WDR62: variants seen among roughly 807,000 people sequenced by gnomAD.
WDR62 encodes WD repeat-containing protein 62.
A neutral mutation model predicts 160.6 loss-of-function variants in WDR62; 112 were observed. That is an observed-to-expected ratio of 0.70 (90% CI 0.60 to 0.82). The LOEUF (loss-of-function observed/expected upper bound fraction) is 0.82, where lower values mean the gene tolerates loss of function less well. Ranked by LOEUF, WDR62 falls within the 40% of genes least tolerant of loss-of-function variation. The probability of loss-of-function intolerance (pLI) is 0.00; values close to 1 mark genes in which losing one functional copy is unlikely to be tolerated. For missense variants in WDR62, 1,819 were observed against 1,983.8 expected, an observed-to-expected ratio of 0.92 and a Z score of 1.58; for synonymous variants, 792 against 815.1, an observed-to-expected ratio of 0.97 and a Z score of 0.48.
rs565198833 is a variant in WDR62 at position 36,100,569 on chromosome 19, C to T, written c.2740-179C>T. ...TATTTTTGGTGCCACACCTCTTCCT[C>T]ATCTGTAAAGGGACTGATAATGCAG... On this transcript the variant is annotated intron_variant, in intron 22 of 31. Transcript: ENST00000401500. Among the ~76,000 whole-genome samples the T allele has an allele frequency of 1.3e-3, 200 of 152,366 alleles. 1 individual carries two copies. The highest frequency in any genetic ancestry group is 4.4e-3 in the African/African-American group (183 of 41,584).
intron 11 of WDR62, 24 bp downstream of exon 11, chr19:36,083,265 A>G: frequency 3.8e-6 from 6 of 1,576,390 alleles, no homozygotes; most frequent in Non-Finnish European, 5.2e-6. Flanking sequence ...GGCAGTGTCC[A>G]GTGTACACCT....
At chr19:36,101,831 T>C in intron 25 of WDR62, 57 bp downstream of exon 25, 1 of 1,508,622 alleles carries the variant, frequency 6.6e-7, no homozygotes. Flanking sequence ...TTAGGGCCAG[T>C]CACAATGTCT....
rs774396949 is a variant in WDR62, at chr19:36,071,578, G to T, written c.905G>T (p.Cys302Phe). The T allele has an allele frequency of 6.2e-7, 1 of 1,614,230 alleles. No homozygotes were observed. The highest frequency in any genetic ancestry group is 1.7e-5 in the Admixed American group (1 of 60,028). Residue 302 changes from cysteine (C) to phenylalanine (F), a missense_variant, in exon 8 of 32, where the codon TGT (cysteine) becomes TTT (phenylalanine). Around this residue, in one of 3 missense-constraint regions of WDR62, gnomAD observed 934 missense variants for 1,157.2 expected, o/e 0.81. Transcript: ENST00000401500. ...CAGGTCTCCCTGTCTTCCTGCCTCT[G>T]TGTCAGCCAGGAGCTCATCTTCTGT... Reference protein sequence around the residue: ...NLKVSLSSCLCVSQELIFCGC... With the variant: ...NLKVSLSSCLFVSQELIFCGC...
In WDR62 at chr19:36,103,626, G is replaced by A; in HGVS notation, c.3798G>A (p.Gln1266=). The A allele has an allele frequency of 3.1e-6, 5 of 1,610,786 alleles. No homozygotes were observed. In the South Asian group the frequency reaches 5.5e-5, roughly 18 times the overall value. The part of the protein sequence containing the change: ...GELASLGQEL[Q]AITTATTPSL... ...TGGCCTCCTTGGGCCAGGAGCTTCA[G>A]GCCATCACCACCGCGACAACACCCA... Residue 1266 remains glutamine, a synonymous_variant, in exon 30 of 32, where the codon CAG becomes CAA. Coordinates refer to ENST00000401500, the MANE Select transcript of WDR62 (RefSeq NM_001083961.2).
chr19:36,111,049 T>C, the WDR62 span: 1 of 699,110 alleles, frequency 1.4e-6, no homozygotes, highest in Non-Finnish European at 2.3e-6. Flanking sequence ...TGAGCCAGCT[T>C]AGTCCACTCC....
chr19:36,107,752 A>G (rs181722478), downstream of WDR62, among the ~76,000 whole-genome samples: 587 of 152,230 alleles, frequency 3.9e-3, 3 homozygotes, highest in African/African-American at 0.014. Flanking sequence ...GAGAGGATCC[A>G]GCATGTCTGC....
At chr19:36,060,335 G>A in intron 3 of WDR62, 1 of 428,768 alleles carries the variant, frequency 2.3e-6, no homozygotes, top group South Asian at 2.6e-5. Context: ...TTTGTGGGCA[G>A]AGAATAGGAG....
In WDR62 at chr19:36,058,863, C is replaced by CA; in HGVS notation, c.261_262insA (p.Leu88ThrfsTer21). On this transcript the variant is annotated frameshift_variant, in exon 2 of 32. Coordinates refer to ENST00000401500, the MANE Select transcript of WDR62 (RefSeq NM_001083961.2). LOFTEE classifies it high-confidence loss of function. The stretch of plus-strand genomic sequence containing the variant: ...ACCCCGGCACAGGCCATGTGGCCTA[C>CA]CTGGCAGGGTAAGCAGATAAGGGCC... The CA allele has an allele frequency of 1.2e-6, 2 of 1,613,898 alleles. No homozygotes were observed. Among genetic ancestry groups the CA allele is most frequent in the Non-Finnish European group, 1.7e-6 (2 of 1,179,746 alleles).
rs771705757 is a variant in WDR62, at chr19:36,103,954, A to G, written c.4126A>G (p.Thr1376Ala). 2.6e-5 allele frequency: 42 copies of G among 1,598,424 alleles called. 2 individuals carry two copies. In the South Asian group the frequency reaches 4.4e-4, roughly 17 times the overall value. The change falls in exon 30 of 32, where the codon ACT (threonine) becomes GCT (alanine). Residue 1376 changes from threonine to alanine, a missense_variant. Thr to Ala is a moderately conservative substitution (Grantham distance 58). This residue lies in a region of WDR62 where 770 missense variants were observed against 734.2 expected (regional missense o/e 1.05). Coordinates refer to ENST00000401500, the MANE Select transcript of WDR62 (RefSeq NM_001083961.2). ...GGCCCGGCCTGGCATCCCTGGCGGCACTGCCTCCCTCCTGGAGCCCACCTC... is the reference window on the plus strand; with the variant it reads ...GGCCCGGCCTGGCATCCCTGGCGGCGCTGCCTCCCTCCTGGAGCCCACCTC... ...PEARPGIPGGTASLLEPTSGA... is the reference protein window; with the variant it reads ...PEARPGIPGGAASLLEPTSGA...
chr19:36,100,919 CCAG>C, intron 23 of WDR62, 44 bp downstream of exon 23: 1 of 1,613,446 alleles, frequency 6.2e-7, no homozygotes, highest in Non-Finnish European at 8.5e-7. Flanking sequence ...GGAGGAACCC[CCAG>C]CTGATAGCTG....
Position 36,089,087 on chromosome 19 carries a change from CT to C in WDR62, c.1821del (p.Arg608AlafsTer18). The C allele has an allele frequency of 6.2e-7, 1 of 1,614,168 alleles. No individual in the cohort carries two copies. Among genetic ancestry groups the C allele is most frequent in the Non-Finnish European group, 8.5e-7 (1 of 1,180,032 alleles). ...ISCGADKSIYFRSAQQGSDGL... is the reference protein window; with the variant it reads ...ISCGADKSIYXRSAQQGSDGL... The stretch of plus-strand genomic sequence containing the variant: ...GCTGTGGGGCTGACAAGAGCATCTA[CT>C]TTCGCAGTGCCCAGCAGGTAGGGTG... On this transcript the variant is annotated frameshift_variant, in exon 14 of 32. Coordinates refer to ENST00000401500, the MANE Select transcript of WDR62 (RefSeq NM_001083961.2). LOFTEE classifies it high-confidence loss of function.
intron 25 of WDR62, 39 bp from the exon 26 acceptor site, chr19:36,101,975 G>A (rs762125770): frequency 2.5e-6 from 4 of 1,613,586 alleles, no homozygotes; most frequent in South Asian, 1.1e-5. Context: ...GTGACTCATG[G>A]TGTTGGCTCC....
At chr19:36,076,263 G>A (rs904151829) in intron 9 of WDR62, among the ~76,000 whole-genome samples, 1 of 145,618 alleles carries the variant, frequency 6.9e-6, no homozygotes, top group Admixed American at 6.9e-5. Flanking sequence ...AAAAGACCAT[G>A]TTTTTTTTTT....
intron 3 of WDR62, among the ~76,000 whole-genome samples, chr19:36,063,490 A>G (rs1169071584): frequency 6.6e-6 from 1 of 151,134 alleles, no homozygotes; most frequent in Non-Finnish European, 1.5e-5. Flanking sequence ...TGACCTCGTG[A>G]TCCACCCGCC....
At chr19:36,092,992 G>A (rs1343658344) in intron 19 of WDR62, among the ~76,000 whole-genome samples, 181 bp downstream of exon 19, 2 of 152,230 alleles carry the variant, frequency 1.3e-5, no homozygotes, top group African/African-American at 2.4e-5. Context: ...AAAAGGTTTT[G>A]TGGATTTTTT....
intron 15 of WDR62, 124 bp downstream of exon 15, chr19:36,089,430 C>T: frequency 2.0e-6 from 3 of 1,524,332 alleles, no homozygotes; most frequent in African/African-American, 2.7e-5. Context: ...AGCAGGTGTT[C>T]CTTCTTGGTT....
chr19:36,102,499 G>T (rs541953729), intron 26 of WDR62: 2 of 593,728 alleles, frequency 3.4e-6, no homozygotes, highest in Non-Finnish European at 6.0e-6. Flanking sequence ...TGCCTCAGAT[G>T]ATCTGCCCGC....
intron 9 of WDR62, 130 bp downstream of exon 9, chr19:36,073,661 G>A (rs1408339285): frequency 6.3e-6 from 5 of 799,990 alleles, no homozygotes; most frequent in South Asian, 5.8e-5. Flanking sequence ...CCTGTCCTAG[G>A]TGCTGAGGAC....
intron 7 of WDR62, among the ~76,000 whole-genome samples, chr19:36,069,504 A>G (rs1305272335): frequency 6.7e-6 from 1 of 150,068 alleles, no homozygotes; most frequent in Admixed American, 6.6e-5. Context: ...CTCACTTCCC[A>G]GATTGGGCAG....
Sources: allele counts gnomAD v4.1 joint callset (sites outside exome capture counted in the v4.1 genomes callset), GRCh38; gene constraint gnomAD v4.1.1; regional missense constraint gnomAD v4.1.1; transcripts MANE v1.5; gene names NCBI Gene and HGNC (gene_info 2026-07-23, HGNC 2026-07-21).